ANXA4: variants seen among roughly 807,000 people sequenced by gnomAD.
The protein encoded by ANXA4 is 35-beta calcimedin.
A neutral mutation model predicts 49.8 loss-of-function variants in ANXA4; 39 were observed. The ratio of observed to expected loss-of-function variants is 0.78; its 90% CI spans 0.61 to 1.02. The LOEUF is 1.02. Among genes scored for constraint, ANXA4 ranks in the 50% least tolerant of loss-of-function variants. The pLI is 0.00. For missense variants in ANXA4, 360 were observed against 410.1 expected, an observed-to-expected ratio of 0.88 and a Z score of 1.05; for synonymous variants, 134 against 152.5, an observed-to-expected ratio of 0.88 and a Z score of 0.89.
chr2:69,783,989 G>A (rs1220381490), intron 2 of ANXA4, among the ~76,000 whole-genome samples: 1 of 151,898 alleles, frequency 6.6e-6, no homozygotes, highest in Non-Finnish European at 1.5e-5. Flanking sequence ...CCATTGTATT[G>A]TACTCTGATC....
chr2:69,788,226 C>T, intron 3 of ANXA4, 85 bp downstream of exon 3: 1 of 1,238,618 alleles, frequency 8.1e-7, no homozygotes, highest in Non-Finnish European at 1.2e-6. Flanking sequence ...TGCTGGCCAT[C>T]ACGTGGGTCT....
At chr2:69,718,811 ATGC>A (rs938519677) in intron 2 of ANXA4, among the ~76,000 whole-genome samples, 4 of 150,836 alleles carry the variant, frequency 2.7e-5, no homozygotes, top group Non-Finnish European at 4.4e-5. Context: ...ATACACACAC[ATGC>A]TGCACACATG....
chr2:69,798,058 G>A (rs554672521), intron 3 of ANXA4, among the ~76,000 whole-genome samples: 51 of 152,330 alleles, frequency 3.3e-4, no homozygotes, highest in African/African-American at 1.2e-3. Context: ...TTGCCTCATA[G>A]AGGGGCTATC....
chr2:69,719,260 C>CTTTTTTT (rs1192269262), intron 2 of ANXA4, among the ~76,000 whole-genome samples: 1 of 66,546 alleles, frequency 1.5e-5, no homozygotes, highest in Non-Finnish European at 2.6e-5. Flanking sequence ...ATTTTCCAGT[C>CTTTTTTT]TTTTTTTTTT....
At chr2:69,651,205 A>G (rs1392382234) in intron 1 of ANXA4, among the ~76,000 whole-genome samples, 1 of 152,176 alleles carries the variant, frequency 6.6e-6, no homozygotes, top group African/African-American at 2.4e-5. Context: ...AGATGAGGAA[A>G]AGAACAGGTG....
chr2:69,774,671 A>G (rs1313608400), intron 1 of ANXA4, among the ~76,000 whole-genome samples: 1 of 152,170 alleles, frequency 6.6e-6, no homozygotes, highest in Non-Finnish European at 1.5e-5. Flanking sequence ...AGCGTTTACC[A>G]TGACCTGGGT....
intron 2 of ANXA4, among the ~76,000 whole-genome samples, chr2:69,705,375 C>T (rs1185657211): frequency 6.6e-6 from 1 of 152,072 alleles, no homozygotes; most frequent in African/African-American, 2.4e-5. Context: ...TATTATTTTG[C>T]CTCTTGTTAG....
chr2:69,686,820 A>G (rs954854745), intron 2 of ANXA4, among the ~76,000 whole-genome samples: 2 of 152,210 alleles, frequency 1.3e-5, no homozygotes, highest in Non-Finnish European at 2.9e-5. Flanking sequence ...ACATTTAACT[A>G]TCAGCTCTTG....
chr2:69,748,291 A>ATGG (rs1670699537), intron 1 of ANXA4, among the ~76,000 whole-genome samples: 1 of 151,862 alleles, frequency 6.6e-6, no homozygotes, highest in Non-Finnish European at 1.5e-5. Flanking sequence ...AGGCAGGAGA[A>ATGG]TGGTGTGAAC....
intron 3 of ANXA4, among the ~76,000 whole-genome samples, chr2:69,722,335 G>A (rs772584268): frequency 6.6e-6 from 1 of 152,180 alleles, no homozygotes; most frequent in Non-Finnish European, 1.5e-5. Flanking sequence ...TCACGGCAGC[G>A]TTATTCGCCA....
intron 3 of ANXA4, among the ~76,000 whole-genome samples, chr2:69,725,357 C>T (rs56172221): frequency 6.8e-6 from 1 of 148,104 alleles, no homozygotes; most frequent in African/African-American, 2.5e-5. Flanking sequence ...ATACTTAAAT[C>T]TATAAATATA....
At chr2:69,711,002 C>T (rs1573131604) in intron 2 of ANXA4, among the ~76,000 whole-genome samples, 1 of 152,120 alleles carries the variant, frequency 6.6e-6, no homozygotes, top group Non-Finnish European at 1.5e-5. Flanking sequence ...CACACAAAAA[C>T]CTGTATATGA....
At chr2:69,814,451 T>A (rs941648237) in intron 8 of ANXA4, among the ~76,000 whole-genome samples, 3 of 149,638 alleles carry the variant, frequency 2.0e-5, no homozygotes, top group African/African-American at 7.4e-5. Flanking sequence ...GCTCAAGTGA[T>A]CCTCCCACCT....
chr2:69,680,656 T>C (rs1573095467), intron 2 of ANXA4, among the ~76,000 whole-genome samples: 1 of 152,186 alleles, frequency 6.6e-6, no homozygotes, highest in Admixed American at 6.5e-5. Flanking sequence ...ATATGGCCTT[T>C]AGTATGTTGA....
chr2:69,728,176 TGTA>T (rs1169070084), intron 3 of ANXA4, among the ~76,000 whole-genome samples: 1 of 152,242 alleles, frequency 6.6e-6, no homozygotes, highest in Non-Finnish European at 1.5e-5. Flanking sequence ...TTATTTCTCT[TGTA>T]GTTAATAAAT....
Position 69,807,957 on chromosome 2 carries a change from C to T in ANXA4, c.358C>T (p.Pro120Ser), listed in dbSNP as rs868139393. 6.2e-7 allele frequency: 1 copy of T among 1,613,998 alleles called. No individual in the cohort carries two copies. Among genetic ancestry groups the T allele is most frequent in the East Asian group, 2.2e-5 (1 of 44,882 alleles). ...AATTGAGATCCTGGCCTCCCGGACC[C>T]CTGAGGAGATCCGGCGCATAAGCCA... The part of the protein sequence containing the change: ...CLIEILASRT[P>S]EEIRRISQTY... The change falls in exon 6 of 13, where the codon CCT becomes TCT. Residue 120 changes from proline to serine, a missense_variant. Pro to Ser is a moderately conservative substitution (Grantham distance 74, BLOSUM62 -1). Coordinates refer to ENST00000394295, the MANE Select transcript of ANXA4 (RefSeq NM_001153.5).
At chr2:69,654,474 AT>A (rs1676364691) in intron 2 of ANXA4, among the ~76,000 whole-genome samples, 2 of 152,100 alleles carry the variant, frequency 1.3e-5, no homozygotes, top group Non-Finnish European at 2.9e-5. Context: ...TACCTAGTTT[AT>A]TGAGAGTTTT....
intron 3 of ANXA4, among the ~76,000 whole-genome samples, chr2:69,734,979 A>G (rs1432893253): frequency 6.6e-6 from 1 of 152,126 alleles, no homozygotes; most frequent in Non-Finnish European, 1.5e-5. Context: ...AAAGTAGCCA[A>G]ATGAGAGACA....
intron 4 of ANXA4, among the ~76,000 whole-genome samples, chr2:69,805,076 T>C (rs1292237980): frequency 2.4e-5 from 2 of 81,724 alleles, no homozygotes; most frequent in South Asian, 7.6e-4. Context: ...AAAAAAAGAA[T>C]AGCGATTCAG....
Sources: gnomAD v4.1 joint callset for allele counts (sites outside exome capture counted in the v4.1 genomes callset) on GRCh38, gnomAD v4.1.1 for gene constraint, MANE v1.5 for transcripts, NCBI Gene and HGNC (gene_info 2026-07-23, HGNC 2026-07-21) for gene names.